The following LRRC37A2 variants were observed in gnomAD, a reference collection of about 807,000 sequenced individuals.
LRRC37A2 encodes leucine-rich repeat-containing protein 37A2.
Under a neutral mutation model 68.8 loss-of-function variants are expected in LRRC37A2, and 9 were observed. The ratio of observed to expected loss-of-function variants is 0.13; its 90% confidence interval spans 0.08 to 0.23. LRRC37A2 has a LOEUF of 0.23. LRRC37A2 is among the 10% of genes least tolerant of loss of function. The pLI is 1.00. For missense variants in LRRC37A2, 168 were observed against 950.4 expected (o/e 0.18, Z 10.82); for synonymous variants, 63 against 367.6 (o/e 0.17, Z 9.48).
At chr17:46,853,273 C>T in the LRRC37A2 span, among the ~76,000 whole-genome samples, 1 of 151,036 alleles carries the variant, frequency 6.6e-6, no homozygotes, top group Non-Finnish European at 1.5e-5. Flanking sequence ...GAAGATTATA[C>T]TGCCTATTTT....
chr17:46,824,575 A>T, the LRRC37A2 span, among the ~76,000 whole-genome samples: 1 of 152,220 alleles, frequency 6.6e-6, no homozygotes, highest in African/African-American at 2.4e-5. Context: ...TAGCAGACAT[A>T]TCTGCTCAGT....
chr17:46,975,005 T>G, the LRRC37A2 span, among the ~76,000 whole-genome samples: 2 of 99,600 alleles, frequency 2.0e-5, no homozygotes, highest in South Asian at 6.7e-4. Context: ...TTTTTTTTTT[T>G]TTTTTTTTAT....
chr17:46,853,916 C>T, the LRRC37A2 span, among the ~76,000 whole-genome samples: 2 of 152,120 alleles, frequency 1.3e-5, no homozygotes, highest in Admixed American at 6.6e-5. Context: ...GTGTTCTCAG[C>T]AGTGCATGGG....
At chr17:46,912,807 C>G in the LRRC37A2 span, among the ~76,000 whole-genome samples, 2 of 152,292 alleles carry the variant, frequency 1.3e-5, no homozygotes, top group South Asian at 4.1e-4. Flanking sequence ...AGAGTGGAAG[C>G]CATCAGAGGT....
chr17:47,022,015 A>T, the LRRC37A2 span: 1 of 1,163,082 alleles, frequency 8.6e-7, no homozygotes, highest in Non-Finnish European at 1.3e-6. Flanking sequence ...CTGAGGAAAG[A>T]TATTTCTCCT....
At chr17:47,015,271 G>T in the LRRC37A2 span, among the ~76,000 whole-genome samples, 2 of 152,116 alleles carry the variant, frequency 1.3e-5, no homozygotes, top group Non-Finnish European at 2.9e-5. Context: ...GCGTCCCAAA[G>T]TGCTGGGATT....
chr17:46,491,781 AT>A, the LRRC37A2 span, among the ~76,000 whole-genome samples: 1 of 145,598 alleles, frequency 6.9e-6, no homozygotes, highest in Admixed American at 6.7e-5. Context: ...TGGCTATTAT[AT>A]TTTGTTAAAT....
chr17:46,713,709 A>C, the LRRC37A2 span: 1 of 696,028 alleles, frequency 1.4e-6, no homozygotes, highest in South Asian at 1.9e-5. Context: ...AAGAGAAAAC[A>C]TGTCTGCTGT....
chr17:47,006,370 C>T, the LRRC37A2 span, among the ~76,000 whole-genome samples: 14 of 152,138 alleles, frequency 9.2e-5, no homozygotes, highest in African/African-American at 3.4e-4. Flanking sequence ...TCTGTAAATC[C>T]TAGCACTTTG....
chr17:46,851,775 T>A, the LRRC37A2 span: 35 of 890,816 alleles, frequency 3.9e-5, no homozygotes, highest in Non-Finnish European at 5.2e-5. This position sits in a 1 kb window ranked among gnomAD's most constrained non-coding sequence, Gnocchi z 4.3. Context: ...CCTCCTGCGC[T>A]ACAGCTGGGC....
the LRRC37A2 span, among the ~76,000 whole-genome samples, chr17:46,873,052 A>G: frequency 6.6e-6 from 1 of 151,078 alleles, no homozygotes; most frequent in South Asian, 2.1e-4. Context: ...CTCACAGATA[A>G]GATGGGGTCC....
the LRRC37A2 span, chr17:46,872,880 C>T: frequency 1.5e-6 from 2 of 1,328,138 alleles, no homozygotes; most frequent in African/African-American, 1.5e-5. Context: ...CGTGCCCAGG[C>T]CACACTGCCC....
the LRRC37A2 span, among the ~76,000 whole-genome samples, chr17:47,004,191 G>A: frequency 1.3e-5 from 2 of 152,146 alleles, no homozygotes; most frequent in South Asian, 2.1e-4. Flanking sequence ...ACATGTGCAT[G>A]CGCCTTTATA....
the LRRC37A2 span, among the ~76,000 whole-genome samples, chr17:46,950,468 C>T: frequency 2.0e-5 from 3 of 152,160 alleles, no homozygotes; most frequent in Non-Finnish European, 4.4e-5. Flanking sequence ...CTACAAATTG[C>T]TTTTTCCTTC....
the LRRC37A2 span, among the ~76,000 whole-genome samples, chr17:46,776,818 C>T: frequency 6.6e-6 from 1 of 152,194 alleles, no homozygotes; most frequent in Non-Finnish European, 1.5e-5. Flanking sequence ...TATGGGACCA[C>T]TGGAGCGGAG....
chr17:46,772,439 G>C, the LRRC37A2 span, among the ~76,000 whole-genome samples: 1 of 152,222 alleles, frequency 6.6e-6, no homozygotes, highest in East Asian at 1.9e-4. Context: ...TGGGGAGCGC[G>C]TCTAGACGCA....
At chr17:46,875,563 C>T in the LRRC37A2 span, among the ~76,000 whole-genome samples, 2 of 152,234 alleles carry the variant, frequency 1.3e-5, no homozygotes, top group African/African-American at 2.4e-5. Context: ...GCCAGGAACA[C>T]AGCGGAAGCA....
At chr17:46,903,551 A>G in the LRRC37A2 span, among the ~76,000 whole-genome samples, 30 of 152,258 alleles carry the variant, frequency 2.0e-4, no homozygotes, top group East Asian at 5.6e-3. Flanking sequence ...GCTTCCAGGT[A>G]CTTGTATCCT....
chr17:46,883,835 C>T, the LRRC37A2 span, among the ~76,000 whole-genome samples: 2 of 152,160 alleles, frequency 1.3e-5, no homozygotes, highest in African/African-American at 2.4e-5. Flanking sequence ...CCCTGCATAC[C>T]GCAAAGAGGA....
Sources: allele counts gnomAD v4.1 joint callset (sites outside exome capture counted in the v4.1 genomes callset), GRCh38; gene constraint gnomAD v4.1.1; non-coding constraint Gnocchi (gnomAD v3.1); transcripts MANE v1.5; gene names NCBI Gene and HGNC (gene_info 2026-07-23, HGNC 2026-07-21).